The following OR8B3 variants were observed in gnomAD, a reference collection of about 807,000 sequenced individuals.
The protein encoded by OR8B3 is olfactory receptor family 8 subfamily B member 3, also known as olfactory receptor 8B3.
For synonymous variants in OR8B3, 102 were observed against 135.4 expected (o/e 0.75, Z 1.71); for missense variants, 278 against 377.6 (o/e 0.74, Z 2.19).
chr11:124,399,224 C>A (rs1183397032), upstream of OR8B3, among the ~76,000 whole-genome samples: 1 of 151,986 alleles, frequency 6.6e-6, no homozygotes, highest in African/African-American at 2.4e-5. Flanking sequence ...AATTATAATC[C>A]TAGGTAGTAT....
intron 1 of OR8B3, among the ~76,000 whole-genome samples, chr11:124,398,327 A>T (rs995045021): frequency 2.0e-5 from 3 of 152,236 alleles, no homozygotes; most frequent in African/African-American, 7.2e-5. Context: ...GTAGGAAGGC[A>T]TAAGAGAAAC....
In OR8B3 at chr11:124,396,244, G is replaced by T. The variant is rs1860864484; in HGVS notation, c.*166C>A. 9.1e-6 allele frequency: 6 copies of T among 660,522 alleles called. No individual in the cohort carries two copies. The highest frequency in any genetic ancestry group is 1.5e-5 in the Non-Finnish European group (6 of 402,986). 40.9% of individuals were successfully genotyped at this position (660,522 alleles called of 1,614,324 possible). On this transcript the variant is annotated 3_prime_UTR_variant, in exon 2 of 2. Coordinates refer to ENST00000641139, the MANE Select transcript of OR8B3 (RefSeq NM_001005467.2). Reference sequence around the variant, plus strand: ...TAGTAAAATTGTGAGAAGTGCCAGAGATGCAAAACCAAAAAAAGAGACAAG... The same window carrying T: ...TAGTAAAATTGTGAGAAGTGCCAGATATGCAAAACCAAAAAAAGAGACAAG...
At chr11:124,399,394 T>G (rs1860953012), upstream of OR8B3, among the ~76,000 whole-genome samples, 1 of 152,230 alleles carries the variant, frequency 6.6e-6, no homozygotes, top group Non-Finnish European at 1.5e-5. Context: ...TTCAGATTTT[T>G]TAATAAAAAT....
At chr11:124,406,793 CCACACACACACACA>C in the OR8B3 span, among the ~76,000 whole-genome samples, 70 of 145,212 alleles carry the variant, frequency 4.8e-4, no homozygotes, top group Middle Eastern at 3.4e-3. Context: ...CTCCTTCTCA[CCACACACACACACA>C]CACACACACA....
rs1860854264 is a variant in OR8B3, at chr11:124,395,817, TAGAGGTTCTCAGAAGCA to T, written c.*576_*592del. 1 of 152,524 alleles carries T rather than the reference TAGAGGTTCTCAGAAGCA, an allele frequency of 6.6e-6. No homozygotes were observed. The highest frequency in any genetic ancestry group is 2.4e-5 in the African/African-American group (1 of 41,450). The allele number at this position is 152,524 out of a possible 1,614,324, so 9.4% of individuals were successfully genotyped here. On this transcript the variant is annotated 3_prime_UTR_variant, in exon 2 of 2. Transcript: ENST00000641139. Reference sequence around the variant, plus strand: ...TGCTGTATCAAATGCACTGGACTGATAGAGGTTCTCAGAAGCAAACGGCATGTGGTACAAATTTTGCC... The same window carrying T: ...TGCTGTATCAAATGCACTGGACTGATAACGGCATGTGGTACAAATTTTGCC...
At chr11:124,406,686 A>C in the OR8B3 span, among the ~76,000 whole-genome samples, 1 of 151,912 alleles carries the variant, frequency 6.6e-6, no homozygotes. Flanking sequence ...CCTCTCTAAT[A>C]CATTGCTTTC....
At chr11:124,406,163 G>T in the OR8B3 span, among the ~76,000 whole-genome samples, 1 of 152,172 alleles carries the variant, frequency 6.6e-6, no homozygotes, top group South Asian at 2.1e-4. Context: ...CTAAGTCTTT[G>T]TAGCTACTTT....
In OR8B3 at chr11:124,398,969, G is replaced by A. The variant is rs568876944; in HGVS notation, c.-297C>T. The A allele has an allele frequency of 6.6e-6, 1 of 152,280 alleles. No individual in the cohort carries two copies. The highest frequency in any genetic ancestry group is 2.1e-4 in the South Asian group (1 of 4,824). The allele number at this position is 152,280 out of a possible 1,614,324, so 9.4% of individuals were successfully genotyped here. Reference sequence around the variant, plus strand: ...GAGCTACCATGTCATAGAGCACATGGCATTTGCTCAAGGCTTACAATTCTT... The same window carrying A: ...GAGCTACCATGTCATAGAGCACATGACATTTGCTCAAGGCTTACAATTCTT... On this transcript the variant is annotated 5_prime_UTR_variant, in exon 1 of 2. Transcript: ENST00000641139.
At chr11:124,404,465 A>G in the OR8B3 span, 1 of 151,996 alleles carries the variant, frequency 6.6e-6, no homozygotes, top group East Asian at 1.9e-4. Flanking sequence ...GATATAAATA[A>G]CTTATTTTTT....
chr11:124,400,415 A>G (rs1860975075), upstream of OR8B3, among the ~76,000 whole-genome samples: 1 of 152,144 alleles, frequency 6.6e-6, no homozygotes, highest in South Asian at 2.1e-4. Context: ...AGTCAGTGCA[A>G]TAGATTCCAA....
In OR8B3 at chr11:124,396,860, A is replaced by C. The variant is rs1246321177; in HGVS notation, c.492T>G (p.Leu164=). 1.6e-5 allele frequency: 25 copies of C among 1,609,578 alleles called. No individual in the cohort carries two copies. Among genetic ancestry groups the C allele is most frequent in the Non-Finnish European group, 2.1e-5 (25 of 1,177,298 alleles). Residue 164 remains leucine (L), a synonymous_variant, in exon 2 of 2, where the codon CTT becomes CTG. Coordinates refer to ENST00000641139, the MANE Select transcript of OR8B3 (RefSeq NM_001005467.2). ...TATTAGCACTGCAGAAGGTGAGTCT[A>C]AGCATGCACCCGGTGTGGGCCGTGG... ...AGATAHTGCM[L]RLTFCSANII...
chr11:124,402,368 A>C (rs1392114581), upstream of OR8B3, among the ~76,000 whole-genome samples: 1 of 152,214 alleles, frequency 6.6e-6, no homozygotes, highest in African/African-American at 2.4e-5. Flanking sequence ...TGAATGTTTA[A>C]TCAATTCAGT....
At chr11:124,408,714 C>A in the OR8B3 span, among the ~76,000 whole-genome samples, 2 of 152,076 alleles carry the variant, frequency 1.3e-5, no homozygotes, top group African/African-American at 4.8e-5. Context: ...AGGGAGCTGC[C>A]CTTCATATAA....
upstream of OR8B3, among the ~76,000 whole-genome samples, chr11:124,400,111 T>G (rs1860967558): frequency 6.6e-6 from 1 of 152,198 alleles, no homozygotes. Context: ...TCCACCTGCC[T>G]TGGCCTCCCA....
chr11:124,404,224 A>G, the OR8B3 span: 4 of 152,336 alleles, frequency 2.6e-5, no homozygotes, highest in African/African-American at 9.6e-5. Context: ...AATACGTTCT[A>G]TAGCTGTTCT....
the OR8B3 span, among the ~76,000 whole-genome samples, chr11:124,409,779 C>T: frequency 6.6e-6 from 1 of 152,232 alleles, no homozygotes; most frequent in South Asian, 2.1e-4. Flanking sequence ...AGAGACTTAG[C>T]CAGAGGACTT....
chr11:124,403,898 G>A (rs1479000564), upstream of OR8B3, among the ~76,000 whole-genome samples: 1 of 152,216 alleles, frequency 6.6e-6, no homozygotes, highest in Non-Finnish European at 1.5e-5. Context: ...ATCACTCGTG[G>A]TTAGGAGCTG....
the OR8B3 span, chr11:124,405,021 G>A: frequency 1.3e-4 from 20 of 152,180 alleles, no homozygotes; most frequent in African/African-American, 4.1e-4. Flanking sequence ...ACCACATTAA[G>A]AATAAAACAC....
At chr11:124,409,208 G>A in the OR8B3 span, among the ~76,000 whole-genome samples, 1 of 152,216 alleles carries the variant, frequency 6.6e-6, no homozygotes, top group Non-Finnish European at 1.5e-5. Flanking sequence ...CACTTCGAAT[G>A]AAAAGGCTCT....
Sources: allele counts gnomAD v4.1 joint callset (sites outside exome capture counted in the v4.1 genomes callset), GRCh38; gene constraint gnomAD v4.1.1; transcripts MANE v1.5; gene names NCBI Gene and HGNC (gene_info 2026-07-23, HGNC 2026-07-21).